The following HAUS1 variants were observed in gnomAD, a reference collection of about 807,000 sequenced individuals.
HAUS1 encodes HAUS augmin like complex subunit 1, also known as HAUS augmin-like complex subunit 1.
A neutral mutation model predicts 38.6 loss-of-function variants in HAUS1; 25 were observed. That is an observed-to-expected ratio of 0.65 (90% CI 0.47 to 0.91). The LOEUF (loss-of-function observed/expected upper bound fraction) is 0.91, where lower values mean the gene tolerates loss of function less well. Among genes scored for constraint, HAUS1 ranks in the 40% least tolerant of loss-of-function variants. The pLI is 0.00. For missense variants in HAUS1, 325 were observed against 328.4 expected (o/e 0.99, Z 0.08); for synonymous variants, 109 against 112.9 (o/e 0.97, Z 0.22).
At chr18:46,122,819 G>A (rs1269019420) in intron 5 of HAUS1, among the ~76,000 whole-genome samples, 2 of 152,178 alleles carry the variant, frequency 1.3e-5, no homozygotes, top group African/African-American at 2.4e-5. Context: ...TCACAAATGC[G>A]TGAGTGTGGA....
rs1380523638 is a variant in HAUS1 at position 46,118,575 on chromosome 18, T to A, written c.341+259T>A. On this transcript the variant is annotated intron_variant, in intron 3 of 8. Transcript: ENST00000282058. Reference sequence around the variant, plus strand: ...ATTTGGAAAGGGGTTAGTATCACATTGTTCCCTGTGTATAATAAGAAAGAT... The same window carrying A: ...ATTTGGAAAGGGGTTAGTATCACATAGTTCCCTGTGTATAATAAGAAAGAT... 2.0e-5 allele frequency: 7 copies of A among 349,844 alleles called. No individual in the cohort carries two copies. The Admixed American group carries it at 3.1e-4, about 15-fold the overall frequency. 21.7% of individuals were successfully genotyped at this position (349,844 alleles called of 1,614,324 possible). A position where few individuals can be genotyped will look rare whatever the true frequency, so the allele number is the denominator to read the frequency against.
At chr18:46,106,294 C>T (rs1307273883) in intron 2 of HAUS1, among the ~76,000 whole-genome samples, 1 of 151,986 alleles carries the variant, frequency 6.6e-6, no homozygotes, top group Non-Finnish European at 1.5e-5. Flanking sequence ...CACGGTGAAA[C>T]ACCGTCTCTA....
In HAUS1 at chr18:46,104,452, G is replaced by A. The variant is rs138854502; in HGVS notation, c.30+11G>A. 1,172 of 1,462,200 alleles carry A rather than the reference G, an allele frequency of 8.0e-4. 14 individuals carry two copies. The African/African-American group carries it at 0.015, about 18-fold the overall frequency. 90.6% of individuals were successfully genotyped at this position (1,462,200 alleles called of 1,614,324 possible). On this transcript the variant is annotated intron_variant, in intron 1 of 8. Transcript: ENST00000282058. ...GAGAGAGAAACGCAGGTGATGGGGCGGGAATGGGGATCGTTGGCCTCCTGG... is the reference window on the plus strand; with the variant it reads ...GAGAGAGAAACGCAGGTGATGGGGCAGGAATGGGGATCGTTGGCCTCCTGG...
intron 2 of HAUS1, among the ~76,000 whole-genome samples, chr18:46,114,888 C>T (rs1015230226): frequency 6.6e-6 from 1 of 152,148 alleles, no homozygotes; most frequent in Non-Finnish European, 1.5e-5. Context: ...TCTTCATTTG[C>T]TGTGTACCCT....
chr18:46,115,001 A>G (rs534424519), intron 2 of HAUS1: 5 of 152,262 alleles, frequency 3.3e-5, no homozygotes, highest in Admixed American at 6.6e-5. Flanking sequence ...CTCCCACACT[A>G]TTATGCTGGA....
At chr18:46,119,413 C>CTTT (rs146755160) in intron 3 of HAUS1, among the ~76,000 whole-genome samples, 1 of 146,546 alleles carries the variant, frequency 6.8e-6, no homozygotes, top group Admixed American at 6.9e-5. Flanking sequence ...AATTTCTTGC[C>CTTT]TTTTTTTTTT....
intron 6 of HAUS1, among the ~76,000 whole-genome samples, chr18:46,124,407 A>T (rs943118741): frequency 8.7e-6 from 1 of 115,576 alleles, no homozygotes; most frequent in African/African-American, 3.8e-5. Flanking sequence ...ACAGAGCAAG[A>T]CTCTATCTCA....
At position 46,119,943 on chromosome 18, in the gene HAUS1, A is replaced by G. The variant is rs1175420953; in HGVS notation, c.359A>G (p.Asn120Ser). The change falls in exon 4 of 9, where the codon AAT becomes AGT. Residue 120 changes from asparagine to serine, a missense_variant. Coordinates refer to ENST00000282058, the MANE Select transcript of HAUS1 (RefSeq NM_138443.4). ...TCTTTTAGTTTTATCCCTGCAGTGA[A>G]TGATTTGACCTCTGATCTCTTTCGT... The part of the protein sequence containing the change: ...TSLASFIPAV[N>S]DLTSDLFRTK... 1 of 1,602,910 alleles carries G rather than the reference A, an allele frequency of 6.2e-7. No individual in the cohort carries two copies. The highest frequency in any genetic ancestry group is 8.5e-7 in the Non-Finnish European group (1 of 1,176,906).
intron 2 of HAUS1, chr18:46,109,657 T>C (rs529202420): frequency 2.0e-4 from 31 of 152,162 alleles, no homozygotes; most frequent in African/African-American, 7.5e-4. Context: ...AGTCATGCTC[T>C]GTCGCCCAGG....
At chr18:46,109,057 C>G (rs1911551801) in intron 2 of HAUS1, among the ~76,000 whole-genome samples, 1 of 127,808 alleles carries the variant, frequency 7.8e-6, no homozygotes, top group Non-Finnish European at 1.6e-5. Flanking sequence ...GGAGACAGAG[C>G]AAGACTCCGT....
chr18:46,122,327 T>G (rs1911965480), intron 4 of HAUS1, 140 bp from the exon 5 acceptor site: 18 of 686,606 alleles, frequency 2.6e-5, no homozygotes, highest in Admixed American at 8.7e-5. Context: ...AAACCCAGAG[T>G]GCAACATGGA....
chr18:46,113,903 T>C (rs1011190685), intron 2 of HAUS1, among the ~76,000 whole-genome samples: 5 of 152,190 alleles, frequency 3.3e-5, no homozygotes, highest in Non-Finnish European at 7.3e-5. Context: ...TGTTATCAGC[T>C]CCTCAGGGAG....
intron 2 of HAUS1, among the ~76,000 whole-genome samples, 185 bp from the exon 3 acceptor site, chr18:46,117,996 C>A (rs1013537854): frequency 3.3e-5 from 5 of 152,012 alleles, no homozygotes; most frequent in African/African-American, 1.2e-4. Context: ...TGTAGAGTTT[C>A]TTTTTGGAGT....
intron 4 of HAUS1, among the ~76,000 whole-genome samples, chr18:46,121,334 C>T (rs1911937525): frequency 6.6e-6 from 1 of 151,916 alleles, no homozygotes; most frequent in African/African-American, 2.4e-5. Context: ...GGATTACAGG[C>T]ACCTGCCACC....
chr18:46,118,138 T>TA (rs757948604), intron 2 of HAUS1, 43 bp from the exon 3 acceptor site: 21 of 1,604,476 alleles, frequency 1.3e-5, no homozygotes, highest in South Asian at 7.8e-5. Context: ...TAAAAATTTT[T>TA]AAAAAAGCAA....
chr18:46,109,453 C>T (rs1911563246), intron 2 of HAUS1, among the ~76,000 whole-genome samples: 1 of 152,096 alleles, frequency 6.6e-6, no homozygotes, highest in Non-Finnish European at 1.5e-5. Flanking sequence ...ATTGATTTCT[C>T]ATTTCATTTC....
intron 6 of HAUS1, 22 bp from the exon 7 acceptor site, chr18:46,124,800 G>T: frequency 6.8e-7 from 1 of 1,470,212 alleles, no homozygotes; most frequent in South Asian, 1.2e-5. Context: ...ATTACTCTGT[G>T]ACTGTGTTCT....
intron 4 of HAUS1, 81 bp downstream of exon 4, chr18:46,120,141 G>T: frequency 1.0e-6 from 1 of 985,358 alleles, no homozygotes; most frequent in Non-Finnish European, 1.5e-6. Context: ...TTGGCAGTAG[G>T]TGTGATTTTA....
At chr18:46,123,221 GAAGAAA>G (rs1911999360) in intron 5 of HAUS1, 72 bp from the exon 6 acceptor site, 2 of 1,003,346 alleles carry the variant, frequency 2.0e-6, no homozygotes, top group Admixed American at 4.0e-5. Context: ...AAAAAAAAAA[GAAGAAA>G]AAGAAAAATA....
Sources: gnomAD v4.1 joint callset for allele counts (sites outside exome capture counted in the v4.1 genomes callset) on GRCh38, gnomAD v4.1.1 for gene constraint, MANE v1.5 for transcripts, NCBI Gene and HGNC (gene_info 2026-07-23, HGNC 2026-07-21) for gene names.